The following UGT2A2 variants were observed in gnomAD, a reference collection of about 807,000 sequenced individuals.
UGT2A2 encodes the protein UDP-glucuronosyltransferase 2A2.
UGT2A2 carries 60 observed loss-of-function variants against 50.7 expected under a neutral mutation model. That is an observed-to-expected ratio of 1.18 (90% CI 0.96 to 1.47). The LOEUF is 1.47. UGT2A2 is among the 40% of genes most tolerant of loss of function. The probability of loss-of-function intolerance (pLI) is 0.00; values close to 1 mark genes in which losing one functional copy is unlikely to be tolerated. For synonymous variants in UGT2A2, 242 were observed against 214.6 expected (o/e 1.13, Z -1.11); for missense variants, 762 against 634.0 (o/e 1.20, Z -2.17).
At chr4:69,620,671 C>G (rs1240993527) in intron 1 of UGT2A2, among the ~76,000 whole-genome samples, 1 of 148,844 alleles carries the variant, frequency 6.7e-6, no homozygotes, top group Admixed American at 6.7e-5. Context: ...AAAAAAAGAG[C>G]CACAAAAGCC....
intron 1 of UGT2A2, among the ~76,000 whole-genome samples, chr4:69,618,219 GTT>G (rs1491249181): frequency 1.1e-5 from 1 of 88,972 alleles, no homozygotes; most frequent in Non-Finnish European, 2.5e-5. Context: ...GTGTGTGTAT[GTT>G]TGTGTGTGTG....
At chr4:69,602,462 TTTATCTATCTATCTATCTATCTA>T (rs1256965330) in intron 1 of UGT2A2, among the ~76,000 whole-genome samples, 1 of 120,716 alleles carries the variant, frequency 8.3e-6, no homozygotes, top group Non-Finnish European at 1.7e-5. Context: ...GATTTAGGAG[TTTATCTATCTATCTATCTATCTA>T]TCTATCTATC....
chr4:69,615,208 A>G (rs4694222), intron 1 of UGT2A2, among the ~76,000 whole-genome samples: 60,073 of 151,740 alleles, frequency 0.4, 12,200 homozygotes, highest in African/African-American at 0.48. Context: ...ACCCTGAAAA[A>G]TTAAATCACT....
intron 1 of UGT2A2, among the ~76,000 whole-genome samples, chr4:69,627,568 A>G (rs200487414): frequency 0.042 from 6,209 of 148,628 alleles, 157 homozygotes; most frequent in East Asian, 0.066. Context: ...GAGAGAGAGA[A>G]AGAAAGAGAG....
intron 1 of UGT2A2, among the ~76,000 whole-genome samples, chr4:69,635,428 T>C (rs896588532): frequency 2.6e-5 from 4 of 152,180 alleles, no homozygotes; most frequent in African/African-American, 7.2e-5. Context: ...TTCACTACAG[T>C]GTTCAAGGGC....
chr4:69,599,675 G>A (rs1719147523), intron 1 of UGT2A2: 2 of 295,814 alleles, frequency 6.8e-6, no homozygotes, highest in South Asian at 8.1e-5. Context: ...AAAAAGGGAA[G>A]AAAGAGGTAG....
At chr4:69,600,924 T>C (rs6846030) in intron 1 of UGT2A2, among the ~76,000 whole-genome samples, 38,694 of 151,862 alleles carry the variant, frequency 0.25, 5,430 homozygotes, top group African/African-American at 0.37. Context: ...TCCTCTCCAA[T>C]CAGGCCCCAC....
chr4:69,607,358 C>T (rs1577961582), intron 1 of UGT2A2, among the ~76,000 whole-genome samples: 3 of 151,436 alleles, frequency 2.0e-5, no homozygotes, highest in South Asian at 2.1e-4. Flanking sequence ...GGAAAACTGG[C>T]TAGCCATATG....
chr4:69,630,956 A>G (rs1721347186), intron 1 of UGT2A2, among the ~76,000 whole-genome samples: 1 of 152,132 alleles, frequency 6.6e-6, no homozygotes, highest in Non-Finnish European at 1.5e-5. Flanking sequence ...AGTTAACAAT[A>G]CTACTTAAAT....
intron 1 of UGT2A2, among the ~76,000 whole-genome samples, chr4:69,606,884 A>AAGG (rs1214635749): frequency 8.9e-5 from 12 of 134,522 alleles, no homozygotes; most frequent in Admixed American, 2.2e-4. Flanking sequence ...GGACCTCTTC[A>AAGG]AGAACTACAA....
At chr4:69,609,388 T>C (rs1300820733) in intron 1 of UGT2A2, among the ~76,000 whole-genome samples, 1 of 152,122 alleles carries the variant, frequency 6.6e-6, no homozygotes, top group African/African-American at 2.4e-5. Context: ...GTTGTAGAGA[T>C]GATGTCTCTC....
At chr4:69,629,415 T>G (rs1157514008) in intron 1 of UGT2A2, among the ~76,000 whole-genome samples, 1 of 152,024 alleles carries the variant, frequency 6.6e-6, no homozygotes, top group Non-Finnish European at 1.5e-5. Context: ...TGGAATACAG[T>G]GCCTAATAAG....
At chr4:69,604,986 C>T (rs1464193995) in intron 1 of UGT2A2, among the ~76,000 whole-genome samples, 1 of 135,738 alleles carries the variant, frequency 7.4e-6, no homozygotes, top group Non-Finnish European at 1.6e-5. Context: ...ACTTTGACAC[C>T]CCACTGTCAA....
chr4:69,595,661 G>A (rs956269362), intron 3 of UGT2A2, among the ~76,000 whole-genome samples: 3 of 152,094 alleles, frequency 2.0e-5, no homozygotes, highest in Admixed American at 1.3e-4. Flanking sequence ...ATGCAAAATT[G>A]TAGAGATAAA....
In UGT2A2 at chr4:69,602,463, T is replaced by C. The variant is rs562426048; in HGVS notation, c.743-3069A>G. 7.9e-5 allele frequency among the ~76,000 whole-genome samples: 8 copies of C among 100,832 alleles called. 2 individuals are homozygous for C. The South Asian group carries it at 1.0e-3, about 13-fold the overall frequency. 66.1% of individuals were successfully genotyped at this position (100,832 alleles called of 152,430 possible). A position where few individuals can be genotyped will look rare whatever the true frequency, so the allele number is the denominator to read the frequency against. ...TTTAGAATAACAAAGATTTAGGAGT[T>C]TATCTATCTATCTATCTATCTATCT... On this transcript the variant is annotated intron_variant, in intron 1 of 5. Coordinates refer to ENST00000604629, the MANE Select transcript of UGT2A2 (RefSeq NM_001105677.2).
At chr4:69,638,007 G>GGAAGGAAGGAAGGAAA in intron 1 of UGT2A2, among the ~76,000 whole-genome samples, 1 of 149,542 alleles carries the variant, frequency 6.7e-6, no homozygotes, top group Non-Finnish European at 1.5e-5. Context: ...CAGGAAGGAA[G>GGAAGGAAGGAAGGAAA]GAAGGAAGGA....
At chr4:69,591,447 C>T (rs1236553085) in intron 5 of UGT2A2, among the ~76,000 whole-genome samples, 1 of 152,080 alleles carries the variant, frequency 6.6e-6, no homozygotes, top group Non-Finnish European at 1.5e-5. Context: ...GAAGGAATGC[C>T]TGGGTTAAGA....
intron 1 of UGT2A2, among the ~76,000 whole-genome samples, chr4:69,609,006 A>C (rs1294371548): frequency 6.6e-6 from 1 of 152,074 alleles, no homozygotes; most frequent in East Asian, 1.9e-4. Flanking sequence ...GAAAAATTAT[A>C]AAGAGTATGA....
intron 1 of UGT2A2, among the ~76,000 whole-genome samples, chr4:69,613,977 A>C (rs961074424): frequency 6.6e-6 from 1 of 152,092 alleles, no homozygotes; most frequent in African/African-American, 2.4e-5. Flanking sequence ...TCCTAGCCAG[A>C]GCAATTAGAC....
Sources: allele counts gnomAD v4.1 joint callset (sites outside exome capture counted in the v4.1 genomes callset), GRCh38; gene constraint gnomAD v4.1.1; transcripts MANE v1.5; gene names NCBI Gene and HGNC (gene_info 2026-07-23, HGNC 2026-07-21).